OSBPL6: variants seen among roughly 807,000 people sequenced by gnomAD.
The protein encoded by OSBPL6 is oxysterol binding protein like 6.
Under a neutral mutation model 125.8 loss-of-function variants are expected in OSBPL6, and 49 were observed. The observed-to-expected ratio is 0.39, with a 90% confidence interval of 0.31 to 0.49. The LOEUF (loss-of-function observed/expected upper bound fraction) is 0.49, where lower values mean the gene tolerates loss of function less well. Ranked by LOEUF, OSBPL6 falls within the 20% of genes least tolerant of loss-of-function variation. The pLI is 0.88. For synonymous variants in OSBPL6, 394 were observed against 391.8 expected, an observed-to-expected ratio of 1.01 and a Z score of -0.07; for missense variants, 986 against 1,135.4, an observed-to-expected ratio of 0.87 and a Z score of 1.89.
intron 13 of OSBPL6, among the ~76,000 whole-genome samples, chr2:178,365,019 T>TA (rs1692692158): frequency 2.0e-5 from 3 of 151,872 alleles, no homozygotes. Flanking sequence ...CTACTGAAAA[T>TA]ACAAAAATTA....
intron 2 of OSBPL6, among the ~76,000 whole-genome samples, chr2:178,301,418 CTTTG>C (rs1686272608): frequency 6.6e-6 from 1 of 152,000 alleles, no homozygotes; most frequent in Admixed American, 6.6e-5. Context: ...GTTGAAGTTT[CTTTG>C]TTTATCAAAA....
rs1336560112 is a variant in OSBPL6 at position 178,227,891 on chromosome 2, TA to T, written c.-351+33218del. ...GGGAGGACCATTTGGGTAGATAAGTTATTATCAACGTTTAATTTTTGTGTTT... is the reference window on the plus strand; with the variant it reads ...GGGAGGACCATTTGGGTAGATAAGTTTTATCAACGTTTAATTTTTGTGTTT... On this transcript the variant is annotated intron_variant, in intron 1 of 24. Coordinates refer to ENST00000190611, the MANE Select transcript of OSBPL6 (RefSeq NM_032523.4). Among the ~76,000 whole-genome samples the T allele has an allele frequency of 2.6e-5, 4 of 152,166 alleles. No individual in the cohort carries two copies. The East Asian group carries it at 7.7e-4, about 29-fold the overall frequency.
chr2:178,384,665 T>A (rs113926414), intron 18 of OSBPL6, among the ~76,000 whole-genome samples: 7,924 of 152,176 alleles, frequency 0.052, 334 homozygotes, highest in East Asian at 0.19. Flanking sequence ...ACATAGACAG[T>A]AGGGCAGAGG....
At chr2:178,243,433 T>G (rs1559154231) in intron 1 of OSBPL6, among the ~76,000 whole-genome samples, 3 of 152,234 alleles carry the variant, frequency 2.0e-5, no homozygotes, top group Non-Finnish European at 4.4e-5. Context: ...TGCCTCTTGC[T>G]GTTCCTGTTG....
Position 178,361,654 on chromosome 2 carries a change from G to GT in OSBPL6, c.1154-22dup, listed in dbSNP as rs759165650. On this transcript the variant is annotated intron_variant, in intron 12 of 24. Coordinates refer to ENST00000190611, the MANE Select transcript of OSBPL6 (RefSeq NM_032523.4). The stretch of plus-strand genomic sequence containing the variant: ...GTATTCTTTCTGCACATATCTGACA[G>GT]TTTTTTCTCACTTTTCTCCCCACCC... 12 of 1,612,036 alleles carry GT rather than the reference G, an allele frequency of 7.4e-6. No homozygotes were observed. The Admixed American group carries it at 1.8e-4, about 25-fold the overall frequency.
intron 1 of OSBPL6, among the ~76,000 whole-genome samples, chr2:178,218,720 C>T (rs2090200601): frequency 6.6e-6 from 1 of 151,458 alleles, no homozygotes; most frequent in South Asian, 2.1e-4. Context: ...ACCTCTGCCT[C>T]CCGGGTTCAG....
chr2:178,323,146 G>A (rs762044627), intron 3 of OSBPL6, among the ~76,000 whole-genome samples: 8 of 151,966 alleles, frequency 5.3e-5, no homozygotes, highest in African/African-American at 1.7e-4. Flanking sequence ...GCAAAATTCC[G>A]CTTTAGAAAG....
chr2:178,328,683 T>C (rs1688920583), intron 5 of OSBPL6, among the ~76,000 whole-genome samples: 1 of 152,160 alleles, frequency 6.6e-6, no homozygotes, highest in Non-Finnish European at 1.5e-5. Context: ...AGACAGATTT[T>C]TGCCCTGTTA....
At chr2:178,236,516 C>T (rs1251980127) in intron 1 of OSBPL6, among the ~76,000 whole-genome samples, 1 of 152,176 alleles carries the variant, frequency 6.6e-6, no homozygotes, top group East Asian at 1.9e-4. Flanking sequence ...TGACAGGGAA[C>T]TTGGTCACTC....
chr2:178,320,254 C>T, intron 3 of OSBPL6: 2 of 1,604,830 alleles, frequency 1.2e-6, no homozygotes, highest in Non-Finnish European at 1.7e-6. Context: ...TTTCCACTTG[C>T]TGCTCAGGAG....
intron 1 of OSBPL6, 67 bp from the exon 2 acceptor site, chr2:178,284,860 G>A (rs1266535530): frequency 2.5e-6 from 1 of 393,478 alleles, no homozygotes; most frequent in Non-Finnish European, 4.5e-6. Flanking sequence ...GCCATAGGCA[G>A]TCCCCGTGAG....
intron 1 of OSBPL6, among the ~76,000 whole-genome samples, chr2:178,271,118 T>A (rs1220208621): frequency 2.0e-5 from 3 of 152,202 alleles, no homozygotes; most frequent in Admixed American, 6.5e-5. Flanking sequence ...CAGTTTTTTT[T>A]AAATCAGCCT....
chr2:178,343,970 G>A (rs748632274), intron 11 of OSBPL6, among the ~76,000 whole-genome samples: 8 of 152,098 alleles, frequency 5.3e-5, no homozygotes, highest in Non-Finnish European at 1.2e-4. Context: ...CATATAACAT[G>A]ATATCATATG....
At chr2:178,197,032 T>C (rs901638749) in intron 1 of OSBPL6, among the ~76,000 whole-genome samples, 204 of 42,656 alleles carry the variant, frequency 4.8e-3, no homozygotes, top group African/African-American at 0.016. Context: ...TCTCTGACCA[T>C]TTTTTTTTTT....
chr2:178,312,452 C>G (rs1300373101), intron 3 of OSBPL6, among the ~76,000 whole-genome samples: 2 of 149,634 alleles, frequency 1.3e-5, no homozygotes, highest in East Asian at 4.0e-4. Flanking sequence ...ACGACCATGC[C>G]CAGATAATTT....
At chr2:178,315,085 A>T (rs1021293272) in intron 3 of OSBPL6, among the ~76,000 whole-genome samples, 5 of 152,244 alleles carry the variant, frequency 3.3e-5, no homozygotes, top group Non-Finnish European at 4.4e-5. Context: ...AACTGTTGCC[A>T]TCATAGGTGA....
At chr2:178,239,774 T>A (rs988243319) in intron 1 of OSBPL6, among the ~76,000 whole-genome samples, 1 of 151,572 alleles carries the variant, frequency 6.6e-6, no homozygotes, top group African/African-American at 2.4e-5. Context: ...TACAGGTGCC[T>A]GCCCCCATGC....
chr2:178,358,648 A>G (rs1179007083), intron 12 of OSBPL6, among the ~76,000 whole-genome samples: 1 of 152,224 alleles, frequency 6.6e-6, no homozygotes, highest in African/African-American at 2.4e-5. Flanking sequence ...TAAAACTCCT[A>G]GAAGAAAACG....
intron 3 of OSBPL6, among the ~76,000 whole-genome samples, chr2:178,318,499 A>G (rs535902064): frequency 1.3e-5 from 2 of 152,356 alleles, no homozygotes; most frequent in Non-Finnish European, 2.9e-5. Context: ...TTCTTCAGCC[A>G]TGGCCTTTTG....
Sources: allele counts gnomAD v4.1 joint callset (sites outside exome capture counted in the v4.1 genomes callset), GRCh38; gene constraint gnomAD v4.1.1; transcripts MANE v1.5; gene names NCBI Gene and HGNC (gene_info 2026-07-23, HGNC 2026-07-21).